Variants in DRD2 observed in about 807,000 individuals in gnomAD.
The protein encoded by DRD2 is dopamine receptor D2.
DRD2 carries 8 observed loss-of-function variants against 38.0 expected under a neutral mutation model. The observed-to-expected ratio is 0.21, with a 90% CI of 0.12 to 0.38. The LOEUF is 0.38. Ranked by LOEUF, DRD2 falls within the 10% of genes least tolerant of loss-of-function variation. The pLI is 1.00. For missense variants in DRD2, 403 were observed against 607.7 expected (o/e 0.66, Z 3.54); for synonymous variants, 230 against 238.6 (o/e 0.96, Z 0.33).
intron 2 of DRD2, among the ~76,000 whole-genome samples, chr11:113,420,558 C>T (rs1950875767): frequency 6.6e-6 from 1 of 152,188 alleles, no homozygotes; most frequent in African/African-American, 2.4e-5. Flanking sequence ...TTATCCCACT[C>T]ATAGGTGAGG....
At chr11:113,444,255 T>C (rs543456679) in intron 1 of DRD2, among the ~76,000 whole-genome samples, 10 of 152,320 alleles carry the variant, frequency 6.6e-5, no homozygotes, top group Admixed American at 2.0e-4. Context: ...CAGGCTGGTC[T>C]CAAACTCCTG....
chr11:113,465,411 G>GTTGTTTGT (rs6144513), intron 1 of DRD2, among the ~76,000 whole-genome samples: 33,440 of 150,498 alleles, frequency 0.22, 4,559 homozygotes, highest in Non-Finnish European at 0.32. Flanking sequence ...TGTTGTTGTT[G>GTTGTTTGT]TTGTTTGTTT....
chr11:113,425,622 C>T (rs779450253), intron 1 of DRD2, among the ~76,000 whole-genome samples: 1 of 152,058 alleles, frequency 6.6e-6, no homozygotes, highest in Non-Finnish European at 1.5e-5. Flanking sequence ...AGAGTGGAAG[C>T]GGGACACCAA....
In DRD2 at chr11:113,437,831, G is replaced by C. The variant is rs372776278; in HGVS notation, c.-31-13149C>G. ...CACAGGGTGTGCGTCCACCACCAAG[G>C]GTGGCACTGTAGGTCTGGGCATCTT... On this transcript the variant is annotated intron_variant, in intron 1 of 7. Transcript: ENST00000362072. Among the ~76,000 whole-genome samples, 7 of 152,160 alleles carry C rather than the reference G, an allele frequency of 4.6e-5. No homozygotes were observed. In the South Asian group the frequency reaches 6.2e-4, roughly 14 times the overall value.
At chr11:113,451,225 C>G (rs945037556) in intron 1 of DRD2, among the ~76,000 whole-genome samples, 3 of 152,220 alleles carry the variant, frequency 2.0e-5, no homozygotes, top group African/African-American at 7.2e-5. Flanking sequence ...AAGCCCACCT[C>G]AGGCTTTGAT....
intron 1 of DRD2, among the ~76,000 whole-genome samples, chr11:113,453,801 T>G (rs956801601): frequency 1.3e-5 from 2 of 152,202 alleles, no homozygotes; most frequent in Non-Finnish European, 2.9e-5. Flanking sequence ...CCCTCCTTAT[T>G]CCTCTGCACC....
At chr11:113,411,074 G>C (rs1028510600) in intron 7 of DRD2, among the ~76,000 whole-genome samples, 154 bp from the exon 8 acceptor site, 2 of 152,116 alleles carry the variant, frequency 1.3e-5, no homozygotes, top group Non-Finnish European at 2.9e-5. Flanking sequence ...TCCTAGACCT[G>C]CCTCTGACAC....
intron 1 of DRD2, among the ~76,000 whole-genome samples, chr11:113,466,852 G>A (rs773245817): frequency 2.0e-5 from 3 of 152,200 alleles, no homozygotes; most frequent in Non-Finnish European, 4.4e-5. Context: ...AGGAGCTCAT[G>A]GTCTGGTGGA....
At chr11:113,432,025 C>T (rs988019467) in intron 1 of DRD2, among the ~76,000 whole-genome samples, 2 of 152,176 alleles carry the variant, frequency 1.3e-5, no homozygotes, top group African/African-American at 4.8e-5. Context: ...GGGCTGCTTT[C>T]CCAGTCACGC....
At chr11:113,450,701 A>C (rs1165476809) in intron 1 of DRD2, among the ~76,000 whole-genome samples, 1 of 152,212 alleles carries the variant, frequency 6.6e-6, no homozygotes, top group African/African-American at 2.4e-5. Context: ...CTTCACCAAA[A>C]CAGAGAGTTA....
At chr11:113,437,744 C>G (rs1951052164) in intron 1 of DRD2, among the ~76,000 whole-genome samples, 2 of 152,238 alleles carry the variant, frequency 1.3e-5, no homozygotes, top group Admixed American at 1.3e-4. Flanking sequence ...TCTCTCAGCT[C>G]CTGGGGCTGC....
intron 1 of DRD2, among the ~76,000 whole-genome samples, chr11:113,447,989 T>C (rs1045502857): frequency 6.6e-6 from 1 of 152,008 alleles, no homozygotes; most frequent in Non-Finnish European, 1.5e-5. Context: ...TCTATTGTGG[T>C]TAAAGCAGGT....
chr11:113,414,096 G>A (rs1591273646), intron 6 of DRD2: 1 of 487,474 alleles, frequency 2.1e-6, no homozygotes, highest in South Asian at 2.0e-5. Context: ...ATAGGGATAT[G>A]GTAGATGTTT....
intron 2 of DRD2, among the ~76,000 whole-genome samples, chr11:113,418,447 T>C (rs1950849473): frequency 6.6e-6 from 1 of 152,216 alleles, no homozygotes; most frequent in South Asian, 2.1e-4. Flanking sequence ...ATGTGTTTTC[T>C]TAGATTCTGT....
At chr11:113,466,342 T>C (rs1591304563) in intron 1 of DRD2, among the ~76,000 whole-genome samples, 1 of 152,224 alleles carries the variant, frequency 6.6e-6, no homozygotes, top group African/African-American at 2.4e-5. Context: ...AAAGCACTAA[T>C]GGCATCCCTC....
chr11:113,432,535 G>C (rs1333591920), intron 1 of DRD2, among the ~76,000 whole-genome samples: 1 of 152,176 alleles, frequency 6.6e-6, no homozygotes, highest in Non-Finnish European at 1.5e-5. Flanking sequence ...TCCTTATCAG[G>C]CTTGATGGCG....
At chr11:113,417,992 G>C in intron 3 of DRD2, 35 bp downstream of exon 3, 1 of 1,574,090 alleles carries the variant, frequency 6.4e-7, no homozygotes, top group Non-Finnish European at 8.7e-7. Flanking sequence ...ATGGTGAGTG[G>C]CCAGAGCAAC....
intron 1 of DRD2, among the ~76,000 whole-genome samples, chr11:113,440,479 A>G (rs991215429): frequency 6.6e-6 from 1 of 152,218 alleles, no homozygotes; most frequent in African/African-American, 2.4e-5. Context: ...TTTCTGTCCC[A>G]TTCTGTCCCA....
chr11:113,453,923 T>G (rs144971600), intron 1 of DRD2, among the ~76,000 whole-genome samples: 1 of 152,254 alleles, frequency 6.6e-6, no homozygotes. Context: ...TTACCCAGAG[T>G]CCTTTTGATG....
Sources: gnomAD v4.1 joint callset for allele counts (sites outside exome capture counted in the v4.1 genomes callset) on GRCh38, gnomAD v4.1.1 for gene constraint, MANE v1.5 for transcripts, NCBI Gene and HGNC (gene_info 2026-07-23, HGNC 2026-07-21) for gene names.